MRPS22: variants seen among roughly 807,000 people sequenced by gnomAD.
MRPS22 encodes the protein small ribosomal subunit protein mS22.
MRPS22 carries 30 observed loss-of-function variants against 44.0 expected under a neutral mutation model. The observed-to-expected ratio is 0.68, with a 90% CI of 0.51 to 0.93. MRPS22 has a LOEUF of 0.93. Ranked by LOEUF, MRPS22 falls within the 40% of genes least tolerant of loss-of-function variation. The pLI is 0.00. For synonymous variants in MRPS22, 165 were observed against 154.4 expected (o/e 1.07, Z -0.51); for missense variants, 447 against 447.8 (o/e 1.00, Z 0.02).
intron 5 of MRPS22, chr3:139,351,530 A>G (rs907955995): frequency 1.2e-4 from 26 of 216,798 alleles, no homozygotes; most frequent in Admixed American, 6.3e-4. Flanking sequence ...CAGTCCGGAT[A>G]TGGCTGTGGG....
intron 1 of MRPS22, among the ~76,000 whole-genome samples, chr3:139,345,385 G>T (rs1941019594): frequency 6.6e-6 from 1 of 150,678 alleles, no homozygotes; most frequent in Non-Finnish European, 1.5e-5. Context: ...GGAAATGGAG[G>T]ATTAAAATGA....
chr3:139,344,774 A>C, intron 1 of MRPS22: 1 of 643,590 alleles, frequency 1.6e-6, no homozygotes, highest in Non-Finnish European at 2.8e-6. Flanking sequence ...GGGACAAATT[A>C]AGATTGTTTC....
At chr3:139,351,445 C>T in intron 5 of MRPS22, 1 of 338,434 alleles carries the variant, frequency 3.0e-6, no homozygotes, top group South Asian at 2.4e-5. Context: ...TTAGTACCTT[C>T]TATGTGTAAG....
chr3:139,351,648 G>C (rs1174146467), intron 5 of MRPS22: 1 of 163,678 alleles, frequency 6.1e-6, no homozygotes, highest in African/African-American at 2.4e-5. Context: ...GGGTGTAAAG[G>C]AGGGTTCTAG....
chr3:139,347,196 G>A, intron 2 of MRPS22, 152 bp downstream of exon 2: 1 of 945,224 alleles, frequency 1.1e-6, no homozygotes, highest in Non-Finnish European at 1.7e-6. Flanking sequence ...ATGTGAGTAG[G>A]CTGCCAGAGA....
intron 1 of MRPS22, among the ~76,000 whole-genome samples, chr3:139,345,438 G>GTTTTTTTTTTT (rs55710231): frequency 3.3e-5 from 4 of 121,644 alleles, no homozygotes; most frequent in Non-Finnish European, 4.9e-5. Context: ...TGCCAGTGGT[G>GTTTTTTTTTTT]TTTTTTTTTT....
rs562973489 is a variant in MRPS22 at position 139,352,664 on chromosome 3, T to C, written c.750T>C (p.Tyr250=). The C allele has an allele frequency of 2.5e-6, 4 of 1,613,468 alleles. No homozygotes were observed. Among genetic ancestry groups the C allele is most frequent in the Admixed American group, 3.3e-5 (2 of 60,024 alleles). ...TEYIKVHHKT[Y]EDIDKRGKYD... ...GTGGATAGGTTCATCACAAGACCTA[T>C]GAAGATATAGATAAACGTGGAAAAT... Residue 250 remains tyrosine (Y), a synonymous_variant, in exon 6 of 8, where the codon TAT becomes TAC. Transcript: ENST00000680020.
chr3:139,355,681 G>C lies in MRPS22; in HGVS notation c.879-1G>C. The C allele has an allele frequency of 1.2e-6, 2 of 1,613,236 alleles. No homozygotes were observed. Among genetic ancestry groups the C allele is most frequent in the Non-Finnish European group, 1.7e-6 (2 of 1,179,212 alleles). ...ATAACATTAAACCCTTTCATTCTCA[G>C]AATCGATGATGCAACCAACTTGGTC... On this transcript the variant is annotated splice_acceptor_variant, in intron 6 of 7. Transcript: ENST00000680020. LOFTEE classifies it high-confidence loss of function.
chr3:139,354,191 A>G (rs1228451542), intron 6 of MRPS22, among the ~76,000 whole-genome samples: 4 of 152,228 alleles, frequency 2.6e-5, no homozygotes, highest in Non-Finnish European at 5.9e-5. Context: ...GAGCTCAGAA[A>G]AGAATTAGGA....
chr3:139,354,418 A>G (rs1941207132), intron 6 of MRPS22, among the ~76,000 whole-genome samples: 1 of 152,258 alleles, frequency 6.6e-6, no homozygotes, highest in Non-Finnish European at 1.5e-5. Flanking sequence ...TAAGCTCTTT[A>G]TAAGGCCACA....
At chr3:139,352,518 T>C (rs1441630750) in intron 5 of MRPS22, 129 bp from the exon 6 acceptor site, 2 of 755,438 alleles carry the variant, frequency 2.6e-6, no homozygotes, top group Admixed American at 2.0e-5. Flanking sequence ...TGGTTAATGA[T>C]ATGGAGGCAA....
intron 4 of MRPS22, chr3:139,350,659 C>G (rs533637497): frequency 1.6e-4 from 58 of 354,970 alleles, no homozygotes; most frequent in African/African-American, 1.5e-3. Flanking sequence ...AACTCCTGAC[C>G]TCGGGATTCG....
chr3:139,352,033 A>C (rs913640951), intron 5 of MRPS22: 1 of 153,324 alleles, frequency 6.5e-6, no homozygotes, highest in Non-Finnish European at 1.5e-5. Flanking sequence ...TGATGGGGGG[A>C]GGGATAGGGG....
chr3:139,350,474 C>A, intron 4 of MRPS22, 152 bp downstream of exon 4: 2 of 836,724 alleles, frequency 2.4e-6, no homozygotes, highest in Admixed American at 2.4e-5. Context: ...TTTGCCCAGG[C>A]TGAAGTGCAG....
chr3:139,356,893 T>A, intron 7 of MRPS22, 26 bp from the exon 8 acceptor site: 1 of 1,553,020 alleles, frequency 6.4e-7, no homozygotes, highest in South Asian at 1.1e-5. Flanking sequence ...CCTATTGTTT[T>A]AAAATTTTCT....
chr3:139,355,512 A>G (rs761170564), intron 6 of MRPS22, 170 bp from the exon 7 acceptor site: 5 of 665,944 alleles, frequency 7.5e-6, no homozygotes, highest in Middle Eastern at 5.4e-4. Flanking sequence ...TAAATTAGTC[A>G]ATTTTCCTGA....
intron 3 of MRPS22, 111 bp downstream of exon 3, chr3:139,348,435 C>A: frequency 9.1e-7 from 1 of 1,100,850 alleles, no homozygotes; most frequent in Non-Finnish European, 1.4e-6. Flanking sequence ...CAGATTTCCT[C>A]TGACTGGGTG....
chr3:139,347,746 T>C (rs1031822805), intron 2 of MRPS22, among the ~76,000 whole-genome samples: 6 of 152,188 alleles, frequency 3.9e-5, no homozygotes, highest in African/African-American at 1.4e-4. Context: ...ATGCCTCTGT[T>C]TTTTCTTCTG....
In MRPS22 at chr3:139,344,159, G is replaced by A. The variant is rs1940989992; in HGVS notation, c.133G>A (p.Glu45Lys). ...GCTCCAACCGCTACCTTGCTCTTTC[G>A]AGATGGGGCTGCCACGCCGCCGGTT... ...GLLQPLPCSFEMGLPRRRFSS... is the reference protein window; with the variant it reads ...GLLQPLPCSFKMGLPRRRFSS... The change falls in exon 1 of 8, where the codon GAG (glutamate) becomes AAG (lysine). Residue 45 changes from glutamate (E) to lysine (K), a missense_variant. Physicochemically the swap from Glu to Lys is moderately conservative, Grantham distance 56. Transcript: ENST00000680020. The A allele has an allele frequency of 6.2e-7, 1 of 1,612,580 alleles. No individual in the cohort carries two copies. Among genetic ancestry groups the A allele is most frequent in the African/African-American group, 1.3e-5 (1 of 74,908 alleles).
Sources: gnomAD v4.1 joint callset for allele counts (sites outside exome capture counted in the v4.1 genomes callset) on GRCh38, gnomAD v4.1.1 for gene constraint, MANE v1.5 for transcripts, NCBI Gene and HGNC (gene_info 2026-07-23, HGNC 2026-07-21) for gene names.